Variants in PRLHR observed in about 807,000 individuals in gnomAD.
PRLHR encodes prolactin releasing hormone receptor.
Under a neutral mutation model 9.3 loss-of-function variants are expected in PRLHR, and 10 were observed. The observed-to-expected ratio is 1.08, with a 90% CI of 0.66 to 1.82. The LOEUF (loss-of-function observed/expected upper bound fraction) is 1.82, where lower values mean the gene tolerates loss of function less well. Among genes scored for constraint, PRLHR ranks in the 40% most tolerant of loss-of-function variants. The pLI is 0.00. For missense variants in PRLHR, 589 were observed against 512.0 expected, an observed-to-expected ratio of 1.15 and a Z score of -1.45; for synonymous variants, 261 against 249.3, an observed-to-expected ratio of 1.05 and a Z score of -0.44.
rs766114566 is a variant in PRLHR, at chr10:118,595,020, C to A, written c.225G>T (p.Leu75=). The A allele has an allele frequency of 6.2e-7, 1 of 1,612,572 alleles. No homozygotes were observed. Among genetic ancestry groups the A allele is most frequent in the East Asian group, 2.2e-5 (1 of 44,844 alleles). The part of the protein sequence containing the change: ...LLYSVVVVVG[L]VGNCLLVLVI... Reference sequence around the variant, plus strand: ...CCAGCACCAGCAGGCAGTTGCCCACCAGCCCCACGACCACCACGACGCTGT... The same window carrying A: ...CCAGCACCAGCAGGCAGTTGCCCACAAGCCCCACGACCACCACGACGCTGT... Residue 75 remains leucine, a synonymous_variant, in exon 2 of 2, where the codon CTG becomes CTT. Transcript: ENST00000239032.
rs765742535 is a variant in PRLHR, at chr10:118,590,177, G to A, written c.*3955C>T. 1.1e-4 allele frequency: 17 copies of A among 152,278 alleles called. No individual in the cohort carries two copies. The highest frequency in any genetic ancestry group is 3.4e-3 in the Middle Eastern group (1 of 294). 9.4% of individuals were successfully genotyped at this position (152,278 alleles called of 1,614,324 possible). The stretch of plus-strand genomic sequence containing the variant: ...GAAACAAAGGTGCTCCTGACCTCTC[G>A]TCTGTGAGGGACAGGCCCTGTGTTC... On this transcript the variant is annotated 3_prime_UTR_variant, in exon 2 of 2. Coordinates refer to ENST00000239032, the MANE Select transcript of PRLHR (RefSeq NM_004248.3).
Position 118,593,996 on chromosome 10 carries a change from GGGCTGGGCTGGAAATGTTGCCCTATGTT to G in PRLHR, c.*108_*135del. The G allele has an allele frequency of 5.2e-6, 7 of 1,340,940 alleles. No homozygotes were observed. Among genetic ancestry groups the G allele is most frequent in the Non-Finnish European group, 6.8e-6 (7 of 1,024,460 alleles). The allele number at this position is 1,340,940 out of a possible 1,614,324, so 83.1% of individuals were successfully genotyped here. A position where few individuals can be genotyped will look rare whatever the true frequency, so the allele number is the denominator to read the frequency against. ...GGACAAGACAGACAGCCGGACAAGA[GGGCTGGGCTGGAAATGTTGCCCTATGTT>G]GGCTTAGCTAGCTCTGGTGCTGAGA... On this transcript the variant is annotated 3_prime_UTR_variant, in exon 2 of 2. Transcript: ENST00000239032.
chr10:118,595,613 G>A lies in PRLHR; in HGVS notation c.-104C>T. 1 of 185,296 alleles carries A rather than the reference G, an allele frequency of 5.4e-6. No homozygotes were observed. The highest frequency in any genetic ancestry group is 1.4e-4 in the East Asian group (1 of 7,220). 11.5% of individuals were successfully genotyped at this position (185,296 alleles called of 1,614,324 possible). The stretch of plus-strand genomic sequence containing the variant: ...GTCCTCTGCCCACGTCGGTGATCCG[G>A]TCTCGCTTCTCCGCGGGAGCTGAAC... On this transcript the variant is annotated 5_prime_UTR_variant, in exon 1 of 2. Transcript: ENST00000239032.
chr10:118,594,712 T>TA lies in PRLHR; in HGVS notation c.532dup (p.Tyr178LeufsTer229). 1 of 1,600,190 alleles carries TA rather than the reference T, an allele frequency of 6.2e-7. No homozygotes were observed. Among genetic ancestry groups the TA allele is most frequent in the Middle Eastern group, 1.7e-4 (1 of 6,042 alleles). On this transcript the variant is annotated frameshift_variant, in exon 2 of 2. Coordinates refer to ENST00000239032, the MANE Select transcript of PRLHR (RefSeq NM_004248.3). LOFTEE classifies it low-confidence loss of function (END_TRUNC). ...CAGCGCCCAGATGGCCAGCACAGCGTAGGCGCTGAGGCGCAGCGAGATGCG... is the reference window on the plus strand; with the variant it reads ...CAGCGCCCAGATGGCCAGCACAGCGTAAGGCGCTGAGGCGCAGCGAGATGCG...
rs1613448 is a variant in PRLHR at position 118,594,398 on chromosome 10, T to C, written c.847A>G (p.Ile283Val). 1 allele frequency: 1,594,461 copies of C among 1,599,946 alleles called. 794,644 individuals are homozygous for C. Among genetic ancestry groups the C allele is most frequent in the East Asian group, 1 (44,740 of 44,740 alleles). ...RRRTFCLLVV[I>V]VVVFAVCWLP... is the part of the protein sequence containing the mutation. ...CAGCAGACGGCGAACACCACCACGATCACCACCAGCAAGCAGAAGGTGCGC... is the reference window on the plus strand; with the variant it reads ...CAGCAGACGGCGAACACCACCACGACCACCACCAGCAAGCAGAAGGTGCGC... Residue 283 changes from isoleucine to valine, a missense_variant, in exon 2 of 2, where the codon ATC (isoleucine) becomes GTC (valine). Ile to Val is a conservative substitution (Grantham distance 29, BLOSUM62 3). Coordinates refer to ENST00000239032, the MANE Select transcript of PRLHR (RefSeq NM_004248.3).
Position 118,594,807 on chromosome 10 carries a change from A to AT in PRLHR, c.437dup (p.Tyr146Ter). The AT allele has an allele frequency of 1.2e-6, 2 of 1,612,712 alleles. No individual in the cohort carries two copies. Among genetic ancestry groups the AT allele is most frequent in the Non-Finnish European group, 1.7e-6 (2 of 1,179,864 alleles). Reference protein sequence around the residue: ...LVFFLQPVTVYVSVFTLTTIA... With the variant: ...LVFFLQPVTV ...TGGTGGTGAGCGTGAACACCGACAC[A>AT]TAGACGGTGACCGGCTGCAGGAAGA... is the stretch of plus-strand genomic sequence containing the variant. Residue 146 changes from tyrosine (Y) to a stop codon, truncating the protein, a stop_gained and frameshift_variant, in exon 2 of 2, where the codon TAT (tyrosine) becomes TAAT (stop). Transcript: ENST00000239032. LOFTEE classifies it low-confidence loss of function (END_TRUNC).
Position 118,593,926 on chromosome 10 carries a change from G to A in PRLHR, c.*206C>T. ...CTCTTTGGCCTCCCCCAAGCAAAGA[G>A]CAAGACTCTCACCAAAGCCCGCTTA... On this transcript the variant is annotated 3_prime_UTR_variant, in exon 2 of 2. Coordinates refer to ENST00000239032, the MANE Select transcript of PRLHR (RefSeq NM_004248.3). 1.2e-6 allele frequency: 1 copy of A among 816,148 alleles called. No individual in the cohort carries two copies. 50.6% of individuals were successfully genotyped at this position (816,148 alleles called of 1,614,324 possible).
chr10:118,594,286 C>T lies in PRLHR; in HGVS notation c.959G>A (p.Cys320Tyr), dbSNP rs1167153698. 6.2e-7 allele frequency: 1 copy of T among 1,604,104 alleles called. No individual in the cohort carries two copies. The change falls in exon 2 of 2, where the codon TGC (cysteine) becomes TAC (tyrosine). Residue 320 changes from cysteine (C) to tyrosine (Y), a missense_variant. Cys to Tyr is a radical substitution (Grantham distance 194, BLOSUM62 -2). Coordinates refer to ENST00000239032, the MANE Select transcript of PRLHR (RefSeq NM_004248.3). ...GGCCGAACTCATGGCGAGCCAGTGG[C>T]AGAGCAGCTGCACCAGCCCAAAGGC... ...PYAFGLVQLL[C>Y]HWLAMSSACY...
At chr10:118,595,378 A>G (rs1844486670) in intron 1 of PRLHR, 128 bp from the exon 2 acceptor site, 1 of 794,290 alleles carries the variant, frequency 1.3e-6, no homozygotes, top group South Asian at 2.1e-5. Flanking sequence ...ACAACAGCAA[A>G]AGTAGCAAAA....
rs554782372 is a variant in PRLHR at position 118,594,786 on chromosome 10, G to T, written c.459C>A (p.Thr153=). The T allele has an allele frequency of 6.2e-7, 1 of 1,611,936 alleles. No individual in the cohort carries two copies. The highest frequency in any genetic ancestry group is 2.2e-5 in the East Asian group (1 of 44,864). The change falls in exon 2 of 2, where the codon ACC becomes ACA. Residue 153 remains threonine (T), a synonymous_variant. Transcript: ENST00000239032. ...CGACGTAGCGGTCCACTGCGATGGT[G>T]GTGAGCGTGAACACCGACACATAGA... is the stretch of plus-strand genomic sequence containing the variant. ...VTVYVSVFTL[T]TIAVDRYVVL...
In PRLHR at chr10:118,594,191, C is replaced by A. The variant is rs1372924568; in HGVS notation, c.1054G>T (p.Ala352Ser). ...TGGGGGGCTATCTTGCGGGGCCAAG[C>A]GACCAACAGTTTGCGCAGCTCCTCG... is the stretch of plus-strand genomic sequence containing the variant. ...FREELRKLLV[A>S]WPRKIAPHGQ... Residue 352 changes from alanine to serine, a missense_variant, in exon 2 of 2, where the codon GCT becomes TCT. Ala to Ser is a moderately conservative substitution (Grantham distance 99, BLOSUM62 1). Transcript: ENST00000239032. 1 of 1,564,318 alleles carries A rather than the reference C, an allele frequency of 6.4e-7. No homozygotes were observed. Among genetic ancestry groups the A allele is most frequent in the South Asian group, 1.2e-5 (1 of 82,158 alleles).
chr10:118,595,324 T>G, intron 1 of PRLHR, 74 bp from the exon 2 acceptor site: 1 of 1,358,394 alleles, frequency 7.4e-7, no homozygotes, highest in East Asian at 2.3e-5. Context: ...GCCGCGCCCC[T>G]CCCCCATCGC....
At position 118,591,494 on chromosome 10, in the gene PRLHR, C is replaced by T. The variant is rs1564810371; in HGVS notation, c.*2638G>A. 6.6e-6 allele frequency: 1 copy of T among 152,168 alleles called. No homozygotes were observed. The highest frequency in any genetic ancestry group is 1.5e-5 in the Non-Finnish European group (1 of 68,026). 9.4% of individuals were successfully genotyped at this position (152,168 alleles called of 1,614,324 possible). On this transcript the variant is annotated 3_prime_UTR_variant, in exon 2 of 2. Transcript: ENST00000239032. ...GATACATAAGAAATATGTAAGTAAA[C>T]TGTTGAACGAATCCCTATATATTCT... is the stretch of plus-strand genomic sequence containing the variant.
rs902246571 is a variant in PRLHR at position 118,591,125 on chromosome 10, G to A, written c.*3007C>T. 1 of 151,618 alleles carries A rather than the reference G, an allele frequency of 6.6e-6. No individual in the cohort carries two copies. The highest frequency in any genetic ancestry group is 1.5e-5 in the Non-Finnish European group (1 of 67,980). 9.4% of individuals were successfully genotyped at this position (151,618 alleles called of 1,614,324 possible). On this transcript the variant is annotated 3_prime_UTR_variant, in exon 2 of 2. Transcript: ENST00000239032. ...GTTTTTGTTTTTTTTGTTTTTTTGA[G>A]ACTAGATTTTGCTCTGTCACTGAGA...
rs1340540773 is a variant in PRLHR at position 118,590,517 on chromosome 10, A to G, written c.*3615T>C. ...ATAAATCTATTGATTGGCTGCCAAA[A>G]GTGTGACCTGGTGACAAAGCTTGCA... On this transcript the variant is annotated 3_prime_UTR_variant, in exon 2 of 2. Transcript: ENST00000239032. 4 of 152,192 alleles carry G rather than the reference A, an allele frequency of 2.6e-5. No individual in the cohort carries two copies. Among genetic ancestry groups the G allele is most frequent in the African/African-American group, 9.6e-5 (4 of 41,452 alleles). The allele number at this position is 152,192 out of a possible 1,614,324, so 9.4% of individuals were successfully genotyped here. A position where few individuals can be genotyped will look rare whatever the true frequency, so the allele number is the denominator to read the frequency against.
At position 118,595,017 on chromosome 10, in the gene PRLHR, C is replaced by T; in HGVS notation, c.228G>A (p.Val76=). Residue 76 remains valine (V), a synonymous_variant, in exon 2 of 2, where the codon GTG becomes GTA. Coordinates refer to ENST00000239032, the MANE Select transcript of PRLHR (RefSeq NM_004248.3). ...LYSVVVVVGL[V]GNCLLVLVIA... The stretch of plus-strand genomic sequence containing the variant: ...TCACCAGCACCAGCAGGCAGTTGCC[C>T]ACCAGCCCCACGACCACCACGACGC... 6.2e-7 allele frequency: 1 copy of T among 1,612,534 alleles called. No homozygotes were observed. Among genetic ancestry groups the T allele is most frequent in the Non-Finnish European group, 8.5e-7 (1 of 1,179,250 alleles).
In PRLHR at chr10:118,595,539, G is replaced by C; in HGVS notation, c.-30C>G. Reference sequence around the variant, plus strand: ...ACCTGGGAGTGGGGTTTGGAGAGCGGGAAAGCACTCGCGGGAAGAAGGGGC... The same window carrying C: ...ACCTGGGAGTGGGGTTTGGAGAGCGCGAAAGCACTCGCGGGAAGAAGGGGC... On this transcript the variant is annotated 5_prime_UTR_variant, in exon 1 of 2. Coordinates refer to ENST00000239032, the MANE Select transcript of PRLHR (RefSeq NM_004248.3). The C allele has an allele frequency of 3.4e-6, 1 of 295,712 alleles. No individual in the cohort carries two copies. The highest frequency in any genetic ancestry group is 6.2e-6 in the Non-Finnish European group (1 of 160,314). 18.3% of individuals were successfully genotyped at this position (295,712 alleles called of 1,614,324 possible).
chr10:118,594,759 C>T lies in PRLHR; in HGVS notation c.486G>A (p.Val162=). The part of the protein sequence containing the change: ...LTTIAVDRYV[V]LVHPLRRRIS... ...TGCGCCGCCTCAGCGGGTGCACCAG[C>T]ACGACGTAGCGGTCCACTGCGATGG... The change falls in exon 2 of 2, where the codon GTG becomes GTA. Residue 162 remains valine (V), a synonymous_variant. Coordinates refer to ENST00000239032, the MANE Select transcript of PRLHR (RefSeq NM_004248.3). 2 of 1,609,636 alleles carry T rather than the reference C, an allele frequency of 1.2e-6. No individual in the cohort carries two copies. Among genetic ancestry groups the T allele is most frequent in the Non-Finnish European group, 1.7e-6 (2 of 1,179,324 alleles).
Position 118,594,303 on chromosome 10 carries a change from C to CCCAAAGG in PRLHR, c.935_941dup (p.Val316TrpfsTer93), listed in dbSNP as rs1001667502. Reference sequence around the variant, plus strand: ...GCCAGTGGCAGAGCAGCTGCACCAGCCCAAAGGCGTAAGGGTCGATGGCGT... The same window carrying CCCAAAGG: ...GCCAGTGGCAGAGCAGCTGCACCAGCCCAAAGGCCAAAGGCGTAAGGGTCGATGGCGT... On this transcript the variant is annotated frameshift_variant, in exon 2 of 2. Transcript: ENST00000239032. LOFTEE classifies it high-confidence loss of function. 6 of 1,603,010 alleles carry CCCAAAGG rather than the reference C, an allele frequency of 3.7e-6. No individual in the cohort carries two copies. Among genetic ancestry groups the CCCAAAGG allele is most frequent in the African/African-American group, 1.3e-5 (1 of 74,858 alleles).
Sources: gnomAD v4.1 joint callset for allele counts on GRCh38, gnomAD v4.1.1 for gene constraint, MANE v1.5 for transcripts, NCBI Gene and HGNC (gene_info 2026-07-23, HGNC 2026-07-21) for gene names.